The following ABI1 variants were observed in gnomAD, a reference collection of about 807,000 sequenced individuals.
ABI1 encodes abl interactor 1.
In ABI1, 14 loss-of-function variants were observed where a neutral mutation model predicts 54.6. The ratio of observed to expected loss-of-function variants is 0.26; its 90% CI spans 0.17 to 0.40. The LOEUF (loss-of-function observed/expected upper bound fraction) is 0.40, where lower values mean the gene tolerates loss of function less well. Among genes scored for constraint, ABI1 ranks in the 10% least tolerant of loss-of-function variants. The pLI, the probability that ABI1 is intolerant of heterozygous loss-of-function variation, is 1.00. For synonymous variants in ABI1, 194 were observed against 209.3 expected (o/e 0.93, Z 0.63); for missense variants, 443 against 598.3 (o/e 0.74, Z 2.71).
chr10:26,837,229 G>T (rs972157981), intron 1 of ABI1, among the ~76,000 whole-genome samples: 7 of 152,184 alleles, frequency 4.6e-5, no homozygotes, highest in African/African-American at 1.7e-4. Flanking sequence ...CCACAATCAA[G>T]GTTCCAGTAG....
intron 2 of ABI1, among the ~76,000 whole-genome samples, chr10:26,782,467 G>A (rs990601095): frequency 2.0e-5 from 3 of 152,148 alleles, no homozygotes; most frequent in African/African-American, 7.2e-5. Context: ...GCTCACGCCT[G>A]TAATCCCAAC....
chr10:26,843,453 C>CAAAAAAAAAAAAAAA (rs147957853), intron 1 of ABI1, among the ~76,000 whole-genome samples: 1 of 53,084 alleles, frequency 1.9e-5, no homozygotes, highest in African/African-American at 5.6e-5. Context: ...GACTCCGTCT[C>CAAAAAAAAAAAAAAA]AAAAAAAAAA....
At chr10:26,805,219 G>C (rs1363064399) in intron 2 of ABI1, among the ~76,000 whole-genome samples, 2 of 152,152 alleles carry the variant, frequency 1.3e-5, no homozygotes, top group Admixed American at 6.5e-5. Context: ...TATGGTATCT[G>C]AACTATAGGA....
intron 3 of ABI1, among the ~76,000 whole-genome samples, chr10:26,774,943 C>T (rs1841197078): frequency 6.6e-6 from 1 of 152,000 alleles, no homozygotes; most frequent in African/African-American, 2.4e-5. Context: ...TCTCTTCAAA[C>T]AGAAAACAAA....
intron 1 of ABI1, among the ~76,000 whole-genome samples, chr10:26,843,485 A>AATATATATATATAT (rs779960397): frequency 2.6e-4 from 9 of 34,164 alleles, no homozygotes; most frequent in African/African-American, 9.6e-4. Context: ...AAAAAAAAAA[A>AATATATATATATAT]ATATATATAT....
intron 2 of ABI1, among the ~76,000 whole-genome samples, chr10:26,795,542 T>G (rs1033406074): frequency 3.3e-5 from 5 of 152,106 alleles, no homozygotes; most frequent in African/African-American, 1.2e-4. Flanking sequence ...CTAGAACTAA[T>G]GAATTCAGTA....
At chr10:26,800,368 G>A (rs2046467978) in intron 2 of ABI1, among the ~76,000 whole-genome samples, 1 of 152,106 alleles carries the variant, frequency 6.6e-6, no homozygotes, top group Admixed American at 6.6e-5. Flanking sequence ...CTGGGGGAAA[G>A]AGTGAGACTG....
At position 26,746,838 on chromosome 10, in the gene ABI1, A is replaced by C. The variant is rs1836975341; in HGVS notation, c.*1732T>G. On this transcript the variant is annotated 3_prime_UTR_variant, in exon 11 of 11. Transcript: ENST00000376140. ...TTACCGTAGGAGTAAAGGTCAGAAA[A>C]ATGTGAAGTCTGCATTGAAGTCCAC... The C allele has an allele frequency of 2.7e-6, 1 of 369,890 alleles. No individual in the cohort carries two copies. Among genetic ancestry groups the C allele is most frequent in the Admixed American group, 4.3e-5 (1 of 23,092 alleles). 22.9% of individuals were successfully genotyped at this position (369,890 alleles called of 1,614,324 possible). A position where few individuals can be genotyped will look rare whatever the true frequency, so the allele number is the denominator to read the frequency against.
intron 2 of ABI1, among the ~76,000 whole-genome samples, chr10:26,818,977 A>G (rs1423333408): frequency 6.6e-6 from 1 of 152,228 alleles, no homozygotes; most frequent in Non-Finnish European, 1.5e-5. Flanking sequence ...TGGGTGACAG[A>G]GCGAGACTCC....
chr10:26,787,828 G>T (rs1252594545), intron 2 of ABI1, among the ~76,000 whole-genome samples: 1 of 150,466 alleles, frequency 6.6e-6, no homozygotes, highest in African/African-American at 2.4e-5. Context: ...GATGGCCCAG[G>T]AGAGTACCCT....
intron 2 of ABI1, among the ~76,000 whole-genome samples, chr10:26,798,367 A>C (rs912372943): frequency 6.6e-6 from 1 of 152,240 alleles, no homozygotes; most frequent in Admixed American, 6.5e-5. Flanking sequence ...GGGAGGCCAG[A>C]GGGTCAGTAC....
chr10:26,828,696 A>G (rs1273011338), intron 1 of ABI1, among the ~76,000 whole-genome samples: 2 of 152,218 alleles, frequency 1.3e-5, no homozygotes, highest in South Asian at 2.1e-4. Context: ...AATAGGATTT[A>G]CCATTAGAAT....
At chr10:26,770,177 C>G (rs1840495119) in intron 5 of ABI1, 68 bp downstream of exon 5, 1 of 1,332,254 alleles carries the variant, frequency 7.5e-7, no homozygotes, top group Non-Finnish European at 1.1e-6. Context: ...CATACACTTA[C>G]TTAAGTCACA....
intron 2 of ABI1, among the ~76,000 whole-genome samples, chr10:26,782,785 T>C (rs1265081798): frequency 6.6e-6 from 1 of 151,212 alleles, no homozygotes. Flanking sequence ...CAATACCACT[T>C]ATCATTAGGG....
At chr10:26,833,040 G>A (rs1308249674) in intron 1 of ABI1, among the ~76,000 whole-genome samples, 2 of 152,162 alleles carry the variant, frequency 1.3e-5, no homozygotes. Context: ...TTTTTTGCAT[G>A]ACAATTCAGG....
intron 2 of ABI1, among the ~76,000 whole-genome samples, chr10:26,788,687 C>T (rs1235698600): frequency 1.3e-5 from 2 of 151,868 alleles, no homozygotes; most frequent in Non-Finnish European, 2.9e-5. Context: ...CCGAGGTGGG[C>T]GGATCACGAG....
intron 1 of ABI1, among the ~76,000 whole-genome samples, chr10:26,859,696 G>C (rs1435169774): frequency 1.3e-5 from 2 of 152,146 alleles, no homozygotes; most frequent in Non-Finnish European, 2.9e-5. Context: ...TACAATAACA[G>C]ATATTTTTAC....
In ABI1 at chr10:26,811,992, G is replaced by A. The variant is rs193240332; in HGVS notation, c.285+11146C>T. ...GGAGGGGGTGTTCACTTGCCTCTTC[G>A]AGATTATGGTGACTACCAGCATTCC... On this transcript the variant is annotated intron_variant, in intron 2 of 10. Coordinates refer to ENST00000376140, the MANE Select transcript of ABI1 (RefSeq NM_001012750.3). 3.3e-5 allele frequency among the ~76,000 whole-genome samples: 5 copies of A among 152,164 alleles called. No individual in the cohort carries two copies. The East Asian group carries it at 7.7e-4, about 24-fold the overall frequency.
At chr10:26,841,040 A>C (rs147042918) in intron 1 of ABI1, among the ~76,000 whole-genome samples, 1 of 152,326 alleles carries the variant, frequency 6.6e-6, no homozygotes, top group East Asian at 1.9e-4. Context: ...ATTTTACTAA[A>C]ACATAGCCAC....
Sources: allele counts gnomAD v4.1 joint callset (sites outside exome capture counted in the v4.1 genomes callset), GRCh38; gene constraint gnomAD v4.1.1; transcripts MANE v1.5; gene names NCBI Gene and HGNC (gene_info 2026-07-23, HGNC 2026-07-21).